Variants in CDK14 observed in about 807,000 individuals in gnomAD.
The protein encoded by CDK14 is cyclin dependent kinase 14, also known as cyclin-dependent kinase 14.
In CDK14, 34 loss-of-function variants were observed where a neutral mutation model predicts 60.7. The observed-to-expected ratio is 0.56, with a 90% CI of 0.43 to 0.75. The LOEUF is 0.75. Among genes scored for constraint, CDK14 ranks in the 30% least tolerant of loss-of-function variants. The pLI is 0.00. For synonymous variants in CDK14, 197 were observed against 203.7 expected (o/e 0.97, Z 0.28); for missense variants, 482 against 564.1 (o/e 0.85, Z 1.47).
chr7:90,633,583 G>C (rs1446522219), intron 2 of CDK14, among the ~76,000 whole-genome samples: 2 of 152,168 alleles, frequency 1.3e-5, no homozygotes, highest in African/African-American at 4.8e-5. Context: ...GGTAAGGATA[G>C]ACAAATTTTA....
intron 14 of CDK14, among the ~76,000 whole-genome samples, chr7:91,130,803 A>G (rs898800802): frequency 6.6e-6 from 1 of 152,066 alleles, no homozygotes; most frequent in Non-Finnish European, 1.5e-5. Context: ...TTCCTTTTTT[A>G]TATGCATCAA....
chr7:90,988,501 C>A (rs1347012775), intron 10 of CDK14, among the ~76,000 whole-genome samples: 1 of 152,144 alleles, frequency 6.6e-6, no homozygotes, highest in Admixed American at 6.5e-5. Context: ...ATTCTATTCA[C>A]CTCCATTAGT....
At chr7:90,717,321 G>A (rs1204026811) in intron 2 of CDK14, among the ~76,000 whole-genome samples, 1 of 152,018 alleles carries the variant, frequency 6.6e-6, no homozygotes, top group African/African-American at 2.4e-5. Flanking sequence ...ATATACCAAA[G>A]CTTAAGCTTC....
chr7:91,013,584 G>A (rs948614162), intron 10 of CDK14, among the ~76,000 whole-genome samples: 2 of 150,498 alleles, frequency 1.3e-5, no homozygotes, highest in African/African-American at 2.5e-5. Flanking sequence ...TGAAACCTAC[G>A]TTCCTGTCCT....
intron 4 of CDK14, among the ~76,000 whole-genome samples, chr7:90,782,583 G>C (rs1805387206): frequency 6.6e-6 from 1 of 152,062 alleles, no homozygotes; most frequent in Non-Finnish European, 1.5e-5. Flanking sequence ...TTCTGTGTCT[G>C]TTTCCTTGGC....
chr7:90,772,652 A>G (rs1010810381), intron 4 of CDK14, among the ~76,000 whole-genome samples: 12 of 152,084 alleles, frequency 7.9e-5, no homozygotes, highest in African/African-American at 2.9e-4. Context: ...TTCTGCCATG[A>G]TTGTAAGTTT....
At chr7:90,779,773 A>G (rs1021751080) in intron 4 of CDK14, among the ~76,000 whole-genome samples, 2 of 152,224 alleles carry the variant, frequency 1.3e-5, no homozygotes, top group South Asian at 2.1e-4. Context: ...TTGAAAGATA[A>G]GCATTGTGTT....
At chr7:90,995,136 A>G (rs375567049) in intron 10 of CDK14, among the ~76,000 whole-genome samples, 7 of 152,156 alleles carry the variant, frequency 4.6e-5, no homozygotes, top group Non-Finnish European at 8.8e-5. Context: ...AAATGATGGG[A>G]TATCACTTCT....
At chr7:90,709,370 T>C (rs1801976919) in intron 2 of CDK14, 1 of 1,360,780 alleles carries the variant, frequency 7.3e-7, no homozygotes, top group East Asian at 2.8e-5. Context: ...CCAGTGCTCT[T>C]AAAAAATTGA....
intron 14 of CDK14, among the ~76,000 whole-genome samples, chr7:91,195,272 CG>C (rs1562990491): frequency 6.6e-6 from 1 of 152,148 alleles, no homozygotes; most frequent in Non-Finnish European, 1.5e-5. Context: ...GATAGTATTT[CG>C]GAACTCCCAA....
chr7:90,736,899 C>G (rs1175244170), intron 3 of CDK14, among the ~76,000 whole-genome samples: 1 of 152,166 alleles, frequency 6.6e-6, no homozygotes, highest in Non-Finnish European at 1.5e-5. Context: ...ATGCCTTGAC[C>G]TCAGTGGCCA....
At chr7:91,143,638 T>C (rs947037652) in intron 14 of CDK14, among the ~76,000 whole-genome samples, 2 of 152,148 alleles carry the variant, frequency 1.3e-5, no homozygotes, top group Non-Finnish European at 2.9e-5. Context: ...GGAGGATCAC[T>C]TGATCCCAGG....
At chr7:90,841,198 C>T (rs1758829866) in intron 5 of CDK14, among the ~76,000 whole-genome samples, 1 of 152,028 alleles carries the variant, frequency 6.6e-6, no homozygotes, top group African/African-American at 2.4e-5. Context: ...ACTTTTAGAA[C>T]ATTGCAACTA....
intron 8 of CDK14, among the ~76,000 whole-genome samples, chr7:90,923,203 G>A (rs897567363): frequency 4.1e-5 from 6 of 147,856 alleles, no homozygotes; most frequent in South Asian, 2.2e-4. Flanking sequence ...TCCGCCTCCC[G>A]GGTTCACGCC....
intron 10 of CDK14, 69 bp from the exon 11 acceptor site, chr7:91,045,828 C>T (rs1251785597): frequency 2.0e-6 from 2 of 979,044 alleles, no homozygotes; most frequent in Non-Finnish European, 3.3e-6. Flanking sequence ...TACTATTTTT[C>T]TACACTTGAG....
intron 2 of CDK14, among the ~76,000 whole-genome samples, chr7:90,685,546 A>G (rs1005725846): frequency 6.6e-6 from 1 of 151,774 alleles, no homozygotes; most frequent in Non-Finnish European, 1.5e-5. Context: ...TGGCACTGTC[A>G]TAGCTTACTG....
In CDK14 at chr7:90,938,573, A is replaced by C. The variant is rs1206151568; in HGVS notation, c.827-17124A>C. ...ATCATAGGAGCTACATGAAGTCAATAATTTTTTTTAAAAAATGAGTCATTT... is the reference window on the plus strand; with the variant it reads ...ATCATAGGAGCTACATGAAGTCAATCATTTTTTTTAAAAAATGAGTCATTT... On this transcript the variant is annotated intron_variant, in intron 8 of 14. Coordinates refer to ENST00000380050, the MANE Select transcript of CDK14 (RefSeq NM_001287135.2). Among the ~76,000 whole-genome samples, 6 of 152,332 alleles carry C rather than the reference A, an allele frequency of 3.9e-5. No homozygotes were observed. The East Asian group carries it at 7.7e-4, about 20-fold the overall frequency.
intron 2 of CDK14, among the ~76,000 whole-genome samples, chr7:90,605,515 T>C (rs1439645174): frequency 6.6e-6 from 1 of 152,228 alleles, no homozygotes; most frequent in Non-Finnish European, 1.5e-5. Context: ...ATTTCGGTAG[T>C]GTTGTTATTG....
intron 10 of CDK14, among the ~76,000 whole-genome samples, chr7:90,990,481 G>A (rs897445204): frequency 6.6e-6 from 1 of 152,038 alleles, no homozygotes; most frequent in Non-Finnish European, 1.5e-5. Flanking sequence ...CTCTTAATTT[G>A]TACTTGTTTC....
Sources: allele counts gnomAD v4.1 joint callset (sites outside exome capture counted in the v4.1 genomes callset), GRCh38; gene constraint gnomAD v4.1.1; transcripts MANE v1.5; gene names NCBI Gene and HGNC (gene_info 2026-07-23, HGNC 2026-07-21).